The following ANO3 variants were observed in gnomAD, a reference collection of about 807,000 sequenced individuals.
ANO3 encodes the protein anoctamin-3.
In ANO3, 99 loss-of-function variants were observed where a neutral mutation model predicts 144.8. That is an observed-to-expected ratio of 0.68 (90% CI 0.58 to 0.81). The LOEUF (loss-of-function observed/expected upper bound fraction) is 0.81, where lower values mean the gene tolerates loss of function less well. Ranked by LOEUF, ANO3 falls within the 30% of genes least tolerant of loss-of-function variation. The pLI is 0.00. For synonymous variants in ANO3, 414 were observed against 392.6 expected, an observed-to-expected ratio of 1.05 and a Z score of -0.64; for missense variants, 905 against 1,202.2, an observed-to-expected ratio of 0.75 and a Z score of 3.66.
At chr11:26,232,207 T>C (rs7927888) in intron 1 of ANO3, among the ~76,000 whole-genome samples, 48,771 of 152,016 alleles carry the variant, frequency 0.32, 8,573 homozygotes, top group Non-Finnish European at 0.38. Flanking sequence ...ATGCAGGTGT[T>C]ACAATATGAA....
intron 4 of ANO3, among the ~76,000 whole-genome samples, chr11:26,482,630 T>C (rs1860268146): frequency 6.6e-6 from 1 of 152,188 alleles, no homozygotes; most frequent in South Asian, 2.1e-4. Flanking sequence ...TTTGTATAGA[T>C]TTAAGGGGTA....
chr11:26,332,965 A>G (rs1043535204), intron 1 of ANO3, among the ~76,000 whole-genome samples: 1 of 152,122 alleles, frequency 6.6e-6, no homozygotes, highest in Non-Finnish European at 1.5e-5. Context: ...AAGAATCTGT[A>G]TGTTCAAGTT....
At chr11:26,206,495 A>G (rs982766423) in intron 1 of ANO3, among the ~76,000 whole-genome samples, 6 of 152,144 alleles carry the variant, frequency 3.9e-5, no homozygotes, top group Admixed American at 2.6e-4. Context: ...TTCTATTTTA[A>G]TAAGAACTAA....
chr11:26,564,749 A>G (rs1565109090), intron 14 of ANO3, among the ~76,000 whole-genome samples: 2 of 69,382 alleles, frequency 2.9e-5, no homozygotes, highest in Non-Finnish European at 2.7e-5. Flanking sequence ...ATATATATAT[A>G]TATATATATA....
intron 1 of ANO3, among the ~76,000 whole-genome samples, chr11:26,439,345 G>A (rs115933977): frequency 0.022 from 3,291 of 152,208 alleles, 58 homozygotes; most frequent in African/African-American, 0.039. Context: ...AAAATTAAAA[G>A]CATTGTGTTT....
intron 1 of ANO3, among the ~76,000 whole-genome samples, chr11:26,292,821 C>A (rs1034911021): frequency 6.6e-5 from 10 of 152,144 alleles, no homozygotes; most frequent in African/African-American, 2.2e-4. Context: ...GGGCACCTGG[C>A]TGTATGAGTT....
At chr11:26,577,302 G>A (rs1029254700) in intron 14 of ANO3, among the ~76,000 whole-genome samples, 4 of 152,064 alleles carry the variant, frequency 2.6e-5, no homozygotes, top group African/African-American at 4.8e-5. Context: ...GGTGGTTCAC[G>A]CCTGTAATCC....
intron 1 of ANO3, among the ~76,000 whole-genome samples, chr11:26,227,576 G>A (rs1354063886): frequency 6.6e-6 from 1 of 152,108 alleles, no homozygotes. Context: ...AGTTGATATT[G>A]GGAAATCTCT....
intron 7 of ANO3, among the ~76,000 whole-genome samples, chr11:26,528,051 G>A (rs983702956): frequency 1.3e-5 from 2 of 151,990 alleles, no homozygotes; most frequent in African/African-American, 4.8e-5. Flanking sequence ...CTCTATTTTT[G>A]CATTGTGCTG....
chr11:26,518,134 A>T (rs294010), intron 6 of ANO3, among the ~76,000 whole-genome samples: 4,439 of 152,108 alleles, frequency 0.029, 108 homozygotes, highest in African/African-American at 0.065. Flanking sequence ...CTCAGCACCT[A>T]ATAAACTAAT....
intron 14 of ANO3, among the ~76,000 whole-genome samples, chr11:26,585,167 A>G (rs1021319012): frequency 6.6e-6 from 1 of 152,170 alleles, no homozygotes; most frequent in South Asian, 2.1e-4. Flanking sequence ...GGTTAAAAAG[A>G]ACATAGGCAG....
chr11:26,557,444 G>A (rs1850118464), intron 13 of ANO3, among the ~76,000 whole-genome samples: 2 of 144,536 alleles, frequency 1.4e-5, no homozygotes, highest in African/African-American at 5.2e-5. Context: ...CTGGGCAACA[G>A]AGCGAGACTC....
chr11:26,560,689 G>C (rs963453486), intron 14 of ANO3: 1 of 162,182 alleles, frequency 6.2e-6, no homozygotes, highest in African/African-American at 2.4e-5. Flanking sequence ...GCTTCAGGCA[G>C]AGCAGTAAAG....
intron 1 of ANO3, among the ~76,000 whole-genome samples, chr11:26,252,852 A>T (rs763282814): frequency 4.6e-5 from 7 of 152,216 alleles, no homozygotes; most frequent in Admixed American, 6.5e-5. Flanking sequence ...GTGTAATATT[A>T]GTGTGCTAGT....
At chr11:26,530,451 A>ATCTGTCTG (rs747800589) in intron 7 of ANO3, among the ~76,000 whole-genome samples, 2 of 142,018 alleles carry the variant, frequency 1.4e-5, no homozygotes, top group African/African-American at 5.6e-5. Context: ...TCTATCATCT[A>ATCTGTCTG]TCTGTCTGTC....
chr11:26,362,036 A>G (rs889733444), intron 1 of ANO3, among the ~76,000 whole-genome samples: 1 of 152,098 alleles, frequency 6.6e-6, no homozygotes, highest in Non-Finnish European at 1.5e-5. Flanking sequence ...TTTGATTAAG[A>G]GTTTTAAATA....
chr11:26,312,575 T>C (rs1249531780), intron 1 of ANO3, among the ~76,000 whole-genome samples: 1 of 152,232 alleles, frequency 6.6e-6, no homozygotes, highest in Non-Finnish European at 1.5e-5. Flanking sequence ...TGGTTTTGAT[T>C]TGCATTTCTC....
intron 3 of ANO3, among the ~76,000 whole-genome samples, chr11:26,457,482 T>G (rs1460468161): frequency 6.6e-6 from 1 of 152,072 alleles, no homozygotes; most frequent in African/African-American, 2.4e-5. Context: ...TTTTTTGTAG[T>G]TGTCTCAGTA....
At chr11:26,306,992 A>G (rs1854399110), upstream of ANO3, among the ~76,000 whole-genome samples, 1 of 152,022 alleles carries the variant, frequency 6.6e-6, no homozygotes, top group Admixed American at 6.5e-5. Flanking sequence ...TGGGGCCTTA[A>G]ACTATGACTT....
Sources: allele counts gnomAD v4.1 joint callset (sites outside exome capture counted in the v4.1 genomes callset), GRCh38; gene constraint gnomAD v4.1.1; transcripts MANE v1.5; gene names NCBI Gene and HGNC (gene_info 2026-07-23, HGNC 2026-07-21).